ARSB: variants seen among roughly 807,000 people sequenced by gnomAD.
ARSB encodes the protein arylsulfatase B, also known as N-acetylgalactosamine-4-sulfatase.
A neutral mutation model predicts 50.9 loss-of-function variants in ARSB; 41 were observed. The ratio of observed to expected loss-of-function variants is 0.81; its 90% CI spans 0.63 to 1.04. The LOEUF (loss-of-function observed/expected upper bound fraction) is 1.04. Among genes scored for constraint, ARSB ranks in the 50% least tolerant of loss-of-function variants. The pLI, the probability that ARSB is intolerant of heterozygous loss-of-function variation, is 0.00. For missense variants in ARSB, 672 were observed against 693.3 expected, an observed-to-expected ratio of 0.97 and a Z score of 0.35; for synonymous variants, 269 against 284.8, an observed-to-expected ratio of 0.94 and a Z score of 0.56.
At chr5:78,954,899 G>A (rs112746558) in intron 4 of ARSB, among the ~76,000 whole-genome samples, 1,617 of 152,270 alleles carry the variant, frequency 0.011, 29 homozygotes, top group African/African-American at 0.037. Flanking sequence ...GTCACAATCT[G>A]TCTCTTTGCA....
chr5:78,980,725 A>T (rs1752865013), intron 1 of ARSB, among the ~76,000 whole-genome samples: 1 of 91,884 alleles, frequency 1.1e-5, no homozygotes, highest in African/African-American at 3.0e-5. Context: ...TGTCTAAGGA[A>T]GTGTGTGTAT....
At chr5:78,798,731 A>T (rs1295317021) in intron 6 of ARSB, among the ~76,000 whole-genome samples, 1 of 152,234 alleles carries the variant, frequency 6.6e-6, no homozygotes, top group East Asian at 1.9e-4. Context: ...AATGGCTGTC[A>T]GGTGGGCCTG....
At chr5:78,817,695 G>C (rs1179638634) in intron 6 of ARSB, among the ~76,000 whole-genome samples, 2 of 152,028 alleles carry the variant, frequency 1.3e-5, no homozygotes, top group Admixed American at 6.6e-5. Flanking sequence ...TGTACTCCCA[G>C]CTACTCAGGA....
At chr5:78,856,319 G>T (rs1746139845) in intron 5 of ARSB, among the ~76,000 whole-genome samples, 1 of 151,976 alleles carries the variant, frequency 6.6e-6, no homozygotes. Flanking sequence ...GCAAAAGATG[G>T]GTATCTAGCT....
At chr5:78,949,158 G>A (rs1161585094) in intron 4 of ARSB, among the ~76,000 whole-genome samples, 1 of 152,208 alleles carries the variant, frequency 6.6e-6, no homozygotes, top group Non-Finnish European at 1.5e-5. Flanking sequence ...ATGATGGGTA[G>A]AGGTGGCAAG....
chr5:78,977,185 GCT>G (rs200479047), intron 1 of ARSB, among the ~76,000 whole-genome samples: 1,601 of 145,170 alleles, frequency 0.011, 32 homozygotes, highest in African/African-American at 0.041. Context: ...ATGGAGTCTT[GCT>G]CTGTTGCTCA....
chr5:78,836,308 G>A (rs1744953021), intron 6 of ARSB, among the ~76,000 whole-genome samples: 1 of 152,222 alleles, frequency 6.6e-6, no homozygotes, highest in African/African-American at 2.4e-5. Flanking sequence ...AACGCTGTGT[G>A]TGTGTGAAGC....
At chr5:78,823,206 C>T (rs747964031) in intron 6 of ARSB, among the ~76,000 whole-genome samples, 1 of 152,110 alleles carries the variant, frequency 6.6e-6, no homozygotes, top group Non-Finnish European at 1.5e-5. Context: ...TCACTGAGTC[C>T]AGGAGGCAGG....
intron 4 of ARSB, among the ~76,000 whole-genome samples, chr5:78,914,399 C>A (rs1749451467): frequency 6.6e-6 from 1 of 152,062 alleles, no homozygotes; most frequent in Non-Finnish European, 1.5e-5. Flanking sequence ...AAAGTCTAAT[C>A]TGGTAATCCA....
chr5:78,928,038 T>C (rs921078809), intron 4 of ARSB, among the ~76,000 whole-genome samples: 1 of 152,104 alleles, frequency 6.6e-6, no homozygotes, highest in Non-Finnish European at 1.5e-5. Context: ...CAGACAGACT[T>C]CATATCTGTC....
intron 5 of ARSB, among the ~76,000 whole-genome samples, chr5:78,858,356 C>T (rs993068696): frequency 6.6e-5 from 10 of 152,152 alleles, no homozygotes; most frequent in Non-Finnish European, 1.5e-4. Context: ...CCAAATTTCA[C>T]ATTTGCTAGA....
intron 6 of ARSB, among the ~76,000 whole-genome samples, chr5:78,784,201 G>A (rs1749018394): frequency 6.6e-6 from 1 of 152,156 alleles, no homozygotes; most frequent in African/African-American, 2.4e-5. Context: ...CTTTAAAAAT[G>A]TATGTGTGTA....
intron 5 of ARSB, 37 bp from the exon 6 acceptor site, chr5:78,839,463 T>C (rs1745097783): frequency 2.0e-6 from 3 of 1,526,930 alleles, no homozygotes. Flanking sequence ...TAATTTCCTC[T>C]CTCTAATGGG....
At chr5:78,818,603 T>C (rs1267916011) in intron 6 of ARSB, among the ~76,000 whole-genome samples, 2 of 59,596 alleles carry the variant, frequency 3.4e-5, no homozygotes. Context: ...AAGCTCTTTT[T>C]TTTTTTTTTT....
At chr5:78,952,507 T>C (rs576375598) in intron 4 of ARSB, among the ~76,000 whole-genome samples, 1 of 152,220 alleles carries the variant, frequency 6.6e-6, no homozygotes, top group South Asian at 2.1e-4. Context: ...TGGCTAATTT[T>C]TGTATTTTTT....
chr5:78,839,936 T>A (rs1358674859), intron 5 of ARSB, among the ~76,000 whole-genome samples: 1 of 152,198 alleles, frequency 6.6e-6, no homozygotes, highest in Admixed American at 6.5e-5. Flanking sequence ...ACATGAGAAA[T>A]ACCTAGATCT....
At chr5:78,806,118 T>G (rs1743550483) in intron 6 of ARSB, among the ~76,000 whole-genome samples, 1 of 152,268 alleles carries the variant, frequency 6.6e-6, no homozygotes, top group Non-Finnish European at 1.5e-5. Flanking sequence ...AGGGTGGCCT[T>G]TATTGTTATT....
intron 4 of ARSB, among the ~76,000 whole-genome samples, chr5:78,943,486 C>A (rs1164001032): frequency 6.6e-5 from 10 of 152,226 alleles, no homozygotes; most frequent in Admixed American, 2.6e-4. Flanking sequence ...GTGACAAAAT[C>A]TCTCAGCATT....
At chr5:78,833,182 T>C (rs1744772310) in intron 6 of ARSB, among the ~76,000 whole-genome samples, 2 of 152,108 alleles carry the variant, frequency 1.3e-5, no homozygotes, top group African/African-American at 4.8e-5. Context: ...TAGAGCTGAA[T>C]TCAGACCTGC....
Sources: allele counts gnomAD v4.1 joint callset (sites outside exome capture counted in the v4.1 genomes callset), GRCh38; gene constraint gnomAD v4.1.1; transcripts MANE v1.5; gene names NCBI Gene and HGNC (gene_info 2026-07-23, HGNC 2026-07-21).